Variants in TLL2 observed in about 807,000 individuals in gnomAD.
TLL2 encodes tolloid-like protein 2.
In TLL2, 106 loss-of-function variants were observed where a neutral mutation model predicts 123.0. That is an observed-to-expected ratio of 0.86 (90% CI 0.74 to 1.01). The LOEUF (loss-of-function observed/expected upper bound fraction) is 1.01. TLL2 is among the 50% of genes least tolerant of loss of function. The pLI is 0.00. For missense variants in TLL2, 1,332 were observed against 1,336.7 expected (o/e 1.00, Z 0.06); for synonymous variants, 494 against 516.8 (o/e 0.96, Z 0.60).
intron 16 of TLL2, among the ~76,000 whole-genome samples, chr10:96,383,746 G>A (rs1222094862): frequency 2.6e-5 from 4 of 151,748 alleles, no homozygotes; most frequent in African/African-American, 4.8e-5. Context: ...TCAGCCTCAC[G>A]AGTAGCTGGG....
intron 5 of TLL2, among the ~76,000 whole-genome samples, chr10:96,427,588 A>C (rs1846690890): frequency 6.6e-6 from 1 of 152,186 alleles, no homozygotes; most frequent in African/African-American, 2.4e-5. Flanking sequence ...CTCAGCTTTT[A>C]ACATTTTCTG....
chr10:96,408,541 TACCAGA>T (rs1846471600), intron 9 of TLL2, among the ~76,000 whole-genome samples: 1 of 152,188 alleles, frequency 6.6e-6, no homozygotes, highest in African/African-American at 2.4e-5. Flanking sequence ...ATTTAGAAAT[TACCAGA>T]CCTCTTCCTC....
chr10:96,420,414 C>A (rs1846608632), intron 7 of TLL2, among the ~76,000 whole-genome samples: 1 of 152,242 alleles, frequency 6.6e-6, no homozygotes, highest in African/African-American at 2.4e-5. Context: ...AATACAGCGG[C>A]TTCCATCATC....
At chr10:96,432,663 C>T (rs993540283) in intron 4 of TLL2, 144 bp downstream of exon 4, 30 of 1,058,520 alleles carry the variant, frequency 2.8e-5, no homozygotes, top group African/African-American at 8.0e-5. Context: ...CAGGACTTGC[C>T]GGCAAGAGGG....
chr10:96,382,508 G>C (rs1846195118), intron 16 of TLL2, among the ~76,000 whole-genome samples: 1 of 152,268 alleles, frequency 6.6e-6, no homozygotes, highest in Non-Finnish European at 1.5e-5. Flanking sequence ...AATGTGCTAA[G>C]AGGGTGCTAC....
chr10:96,364,616 C>T lies in TLL2; in HGVS notation c.*3472G>A, dbSNP rs1846006863. The T allele has an allele frequency of 6.6e-6, 1 of 152,630 alleles. No individual in the cohort carries two copies. The highest frequency in any genetic ancestry group is 1.5e-5 in the Non-Finnish European group (1 of 68,042). The allele number at this position is 152,630 out of a possible 1,614,324, so 9.5% of individuals were successfully genotyped here. On this transcript the variant is annotated 3_prime_UTR_variant, in exon 21 of 21. Coordinates refer to ENST00000357947, the MANE Select transcript of TLL2 (RefSeq NM_012465.4). ...AACCCAAGACACATCAATAAATCCACATTCTTTAATGAAACCATCCGTTCT... is the reference window on the plus strand; with the variant it reads ...AACCCAAGACACATCAATAAATCCATATTCTTTAATGAAACCATCCGTTCT...
intron 2 of TLL2, among the ~76,000 whole-genome samples, chr10:96,471,950 C>T (rs1226746431): frequency 5.3e-5 from 8 of 152,086 alleles, no homozygotes; most frequent in African/African-American, 1.9e-4. Context: ...TCATAATGTT[C>T]GTCAGATTCT....
Position 96,443,406 on chromosome 10 carries a change from G to C in TLL2, c.364+2685C>G, listed in dbSNP as rs186990384. Among the ~76,000 whole-genome samples the C allele has an allele frequency of 9.3e-4, 141 of 152,234 alleles. 1 individual carries two copies. The highest frequency in any genetic ancestry group is 9.1e-3 in the Admixed American group (139 of 15,296). On this transcript the variant is annotated intron_variant, in intron 3 of 20. Transcript: ENST00000357947. ...GTTTCTGATTAGACAACTGAATGGT[G>C]ACAGTCTGCATGGAGAGCAGGGCCA...
At chr10:96,428,920 T>A (rs969322178) in intron 4 of TLL2, among the ~76,000 whole-genome samples, 172 bp from the exon 5 acceptor site, 2 of 152,164 alleles carry the variant, frequency 1.3e-5, no homozygotes, top group Non-Finnish European at 1.5e-5. Context: ...TTCTCCTGCC[T>A]CAGCCTCCCC....
chr10:96,463,532 C>A (rs909441712), intron 2 of TLL2, among the ~76,000 whole-genome samples: 2 of 152,180 alleles, frequency 1.3e-5, no homozygotes, highest in Non-Finnish European at 2.9e-5. Flanking sequence ...CAGAAGGATC[C>A]TGTTCGGTTC....
intron 7 of TLL2, among the ~76,000 whole-genome samples, chr10:96,416,441 C>T (rs1379859997): frequency 6.6e-6 from 1 of 152,134 alleles, no homozygotes; most frequent in African/African-American, 2.4e-5. Flanking sequence ...GAGTCAGGTG[C>T]CATTATCACA....
At chr10:96,426,435 T>C (rs1172581191) in intron 5 of TLL2, among the ~76,000 whole-genome samples, 1 of 152,172 alleles carries the variant, frequency 6.6e-6, no homozygotes. Flanking sequence ...CAAAAGTAAT[T>C]TGAAAGCGTT....
intron 3 of TLL2, among the ~76,000 whole-genome samples, chr10:96,444,472 A>T (rs1311222329): frequency 1.3e-5 from 2 of 152,248 alleles, no homozygotes; most frequent in Non-Finnish European, 2.9e-5. Context: ...CATGATGCAG[A>T]AAAAATGTGT....
Position 96,467,706 on chromosome 10 carries a change from C to T in TLL2, c.286+12643G>A, listed in dbSNP as rs749174499. Among the ~76,000 whole-genome samples the T allele has an allele frequency of 2.7e-4, 41 of 152,250 alleles. 1 individual carries two copies. The highest frequency in any genetic ancestry group is 3.4e-3 in the Middle Eastern group (1 of 294). On this transcript the variant is annotated intron_variant, in intron 2 of 20. Coordinates refer to ENST00000357947, the MANE Select transcript of TLL2 (RefSeq NM_012465.4). ...TTCATTCTGCTTTAGATATCAACTA[C>T]TATTTAAGAACAAGAAACATAGAAC...
At chr10:96,412,196 T>A (rs1846513835) in intron 8 of TLL2, among the ~76,000 whole-genome samples, 1 of 152,190 alleles carries the variant, frequency 6.6e-6, no homozygotes, top group South Asian at 2.1e-4. Flanking sequence ...ACATATTTTC[T>A]AAAGTTTCTT....
At chr10:96,498,726 CTT>C (rs1403030734) in intron 1 of TLL2, among the ~76,000 whole-genome samples, 2 of 152,184 alleles carry the variant, frequency 1.3e-5, no homozygotes, top group Non-Finnish European at 2.9e-5. Flanking sequence ...TTCTTTGTCT[CTT>C]TTACTTTTCC....
chr10:96,440,937 T>C (rs1243261681), intron 3 of TLL2, among the ~76,000 whole-genome samples: 1 of 152,060 alleles, frequency 6.6e-6, no homozygotes, highest in African/African-American at 2.4e-5. Flanking sequence ...GGAATCGGAG[T>C]CCAAATAGAA....
chr10:96,375,593 G>A (rs1182635006), intron 18 of TLL2, among the ~76,000 whole-genome samples: 3 of 152,176 alleles, frequency 2.0e-5, no homozygotes, highest in African/African-American at 7.2e-5. Flanking sequence ...CGGGATACCA[G>A]CTCTTAGCAG....
chr10:96,400,010 A>G (rs1846378378), intron 10 of TLL2, among the ~76,000 whole-genome samples: 1 of 152,142 alleles, frequency 6.6e-6, no homozygotes, highest in Non-Finnish European at 1.5e-5. Context: ...AATTATTCCT[A>G]AGCACTCTCC....
Sources: gnomAD v4.1 joint callset for allele counts (sites outside exome capture counted in the v4.1 genomes callset) on GRCh38, gnomAD v4.1.1 for gene constraint, MANE v1.5 for transcripts, NCBI Gene and HGNC (gene_info 2026-07-23, HGNC 2026-07-21) for gene names.